The following NKAIN2 variants were observed in gnomAD, a reference collection of about 807,000 sequenced individuals.
NKAIN2 encodes the protein sodium/potassium-transporting ATPase subunit beta-1-interacting protein 2.
Under a neutral mutation model 32.6 loss-of-function variants are expected in NKAIN2, and 14 were observed. That is an observed-to-expected ratio of 0.43 (90% CI 0.28 to 0.67). The LOEUF (loss-of-function observed/expected upper bound fraction) is 0.67, where lower values mean the gene tolerates loss of function less well. Ranked by LOEUF, NKAIN2 falls within the 30% of genes least tolerant of loss-of-function variation. The pLI is 0.17. For missense variants in NKAIN2, 198 were observed against 258.3 expected, an observed-to-expected ratio of 0.77 and a Z score of 1.60; for synonymous variants, 80 against 87.2, an observed-to-expected ratio of 0.92 and a Z score of 0.46.
intron 3 of NKAIN2, among the ~76,000 whole-genome samples, chr6:124,444,693 T>C (rs962410732): frequency 7.2e-5 from 11 of 152,004 alleles, no homozygotes; most frequent in Non-Finnish European, 1.3e-4. Context: ...TTAGAGCATA[T>C]TAAATATAAG....
intron 1 of NKAIN2, among the ~76,000 whole-genome samples, chr6:123,847,387 G>C (rs1201963409): frequency 6.6e-6 from 1 of 152,128 alleles, no homozygotes; most frequent in Non-Finnish European, 1.5e-5. Context: ...TCAGCAAAGG[G>C]ATCTGAAGGA....
intron 1 of NKAIN2, among the ~76,000 whole-genome samples, chr6:123,873,225 T>G (rs2114292876): frequency 7.5e-6 from 1 of 132,764 alleles, no homozygotes; most frequent in Admixed American, 7.8e-5. Context: ...ATATATAATC[T>G]AAGGCATGAA....
intron 3 of NKAIN2, among the ~76,000 whole-genome samples, chr6:124,472,581 AT>A (rs1234520396): frequency 2.6e-5 from 4 of 152,050 alleles, no homozygotes; most frequent in Non-Finnish European, 5.9e-5. Flanking sequence ...GAAGCTTTTC[AT>A]GCAGACACAG....
At chr6:124,737,238 A>G (rs1341748830) in intron 4 of NKAIN2, among the ~76,000 whole-genome samples, 5 of 151,828 alleles carry the variant, frequency 3.3e-5, no homozygotes, top group African/African-American at 1.2e-4. Flanking sequence ...GGCGGGAGCT[A>G]ATTGAATCAC....
At chr6:124,435,096 T>A (rs2114576718) in intron 3 of NKAIN2, among the ~76,000 whole-genome samples, 1 of 151,620 alleles carries the variant, frequency 6.6e-6, no homozygotes, top group Non-Finnish European at 1.5e-5. Context: ...TAAAAGAGAG[T>A]GGTTATTGAT....
intron 3 of NKAIN2, among the ~76,000 whole-genome samples, chr6:124,523,166 C>T (rs1205136911): frequency 1.3e-5 from 2 of 149,886 alleles, no homozygotes; most frequent in East Asian, 2.0e-4. Flanking sequence ...GAAAAAAGAT[C>T]TTTAACTGAA....
intron 3 of NKAIN2, among the ~76,000 whole-genome samples, chr6:124,606,665 T>TA (rs1469416318): frequency 6.6e-6 from 1 of 152,106 alleles, no homozygotes; most frequent in East Asian, 1.9e-4. Context: ...ATATATGCAT[T>TA]AAAAATACTT....
intron 1 of NKAIN2, among the ~76,000 whole-genome samples, chr6:124,112,842 C>T (rs1414356218): frequency 6.6e-6 from 1 of 151,630 alleles, no homozygotes; most frequent in Non-Finnish European, 1.5e-5. Flanking sequence ...TTGATCTAGT[C>T]TGCTGCTGAA....
chr6:124,760,871 G>A (rs1778233622), intron 4 of NKAIN2, among the ~76,000 whole-genome samples: 1 of 152,096 alleles, frequency 6.6e-6, no homozygotes, highest in Non-Finnish European at 1.5e-5. Context: ...GAGTATCAAC[G>A]TACCTTGAGA....
Position 124,248,892 on chromosome 6 carries a change from C to T in NKAIN2, c.55-34113C>T, listed in dbSNP as rs147426740. ...AGGGCAAAATTACAGCAAACTTTCT[C>T]CTGTGATAGACATTATATAACCTCA... On this transcript the variant is annotated intron_variant, in intron 1 of 6. Coordinates refer to ENST00000368417, the MANE Select transcript of NKAIN2 (RefSeq NM_001040214.3). Among the ~76,000 whole-genome samples the T allele has an allele frequency of 1.2e-3, 188 of 152,210 alleles. 1 individual carries two copies. Among genetic ancestry groups the T allele is most frequent in the African/African-American group, 4.4e-3 (182 of 41,572 alleles).
intron 4 of NKAIN2, among the ~76,000 whole-genome samples, chr6:124,673,490 A>G (rs75602306): frequency 0.19 from 28,647 of 152,010 alleles, 2,955 homozygotes; most frequent in East Asian, 0.34. Flanking sequence ...CATTTCAAGC[A>G]TCAGTACACT....
intron 1 of NKAIN2, among the ~76,000 whole-genome samples, chr6:124,051,706 A>T (rs948871926): frequency 3.3e-5 from 5 of 152,024 alleles, no homozygotes; most frequent in African/African-American, 1.2e-4. Flanking sequence ...TTACAAGATG[A>T]GATGCAATGA....
chr6:124,681,484 G>GATGTATCATCTTGGTGTATGATTAA (rs1184877300), intron 4 of NKAIN2, among the ~76,000 whole-genome samples: 2 of 151,944 alleles, frequency 1.3e-5, no homozygotes, highest in Admixed American at 1.3e-4. Flanking sequence ...TTAATAGCTT[G>GATGTATCATCTTGGTGTATGATTAA]ATGTATCATC....
intron 3 of NKAIN2, among the ~76,000 whole-genome samples, chr6:124,569,743 G>T (rs1781056661): frequency 6.6e-6 from 1 of 152,130 alleles, no homozygotes; most frequent in South Asian, 2.1e-4. Context: ...CCAGTATCAG[G>T]TATGTCTTTA....
At chr6:124,460,600 A>G (rs770849409) in intron 3 of NKAIN2, among the ~76,000 whole-genome samples, 3 of 151,720 alleles carry the variant, frequency 2.0e-5, no homozygotes, top group Non-Finnish European at 3.0e-5. Context: ...CCTGCTGTCA[A>G]TCTGTTCACC....
intron 1 of NKAIN2, among the ~76,000 whole-genome samples, chr6:124,236,511 T>G (rs1162664179): frequency 1.3e-5 from 2 of 152,144 alleles, no homozygotes; most frequent in Non-Finnish European, 2.9e-5. Flanking sequence ...CAATGATCTG[T>G]AGGTCTAAAA....
rs1337594169 is a variant in NKAIN2, at chr6:124,171,920, C to T, written c.55-111085C>T. Among the ~76,000 whole-genome samples the T allele has an allele frequency of 2.7e-5, 4 of 149,378 alleles. No individual in the cohort carries two copies. In the Admixed American group the frequency reaches 2.7e-4, roughly 10 times the overall value. On this transcript the variant is annotated intron_variant, in intron 1 of 6. Coordinates refer to ENST00000368417, the MANE Select transcript of NKAIN2 (RefSeq NM_001040214.3). ...GGAGTACAATGGCATGATCTCCACT[C>T]ACTTGCCTCAGCCTCCCAAGCAACT...
chr6:124,678,846 G>A (rs1235172986), intron 4 of NKAIN2, among the ~76,000 whole-genome samples: 1 of 152,180 alleles, frequency 6.6e-6, no homozygotes, highest in Non-Finnish European at 1.5e-5. Flanking sequence ...TACAGGGAAA[G>A]ATCTTTGTTA....
intron 1 of NKAIN2, among the ~76,000 whole-genome samples, chr6:124,017,286 T>C (rs903991546): frequency 6.6e-6 from 1 of 152,086 alleles, no homozygotes; most frequent in African/African-American, 2.4e-5. Context: ...TCCCACGACA[T>C]GTGGGAGCTA....
Sources: gnomAD v4.1 joint callset for allele counts (sites outside exome capture counted in the v4.1 genomes callset) on GRCh38, gnomAD v4.1.1 for gene constraint, MANE v1.5 for transcripts, NCBI Gene and HGNC (gene_info 2026-07-23, HGNC 2026-07-21) for gene names.